Variants in RALGAPA2 observed in about 807,000 individuals in gnomAD.
RALGAPA2 encodes ral GTPase-activating protein subunit alpha-2.
In RALGAPA2, 139 loss-of-function variants were observed where a neutral mutation model predicts 230.4. The ratio of observed to expected loss-of-function variants is 0.60; its 90% CI spans 0.53 to 0.69. The LOEUF is 0.69. Ranked by LOEUF, RALGAPA2 falls within the 30% of genes least tolerant of loss-of-function variation. RALGAPA2 has a pLI of 0.00. For missense variants in RALGAPA2, 2,163 were observed against 2,276.0 expected (o/e 0.95, Z 1.01); for synonymous variants, 847 against 837.8 (o/e 1.01, Z -0.19).
In RALGAPA2 at chr20:20,409,276, T is replaced by C. The variant is rs148734385; in HGVS notation, c.5617+2751A>G. On this transcript the variant is annotated intron_variant, in intron 38 of 39. Transcript: ENST00000202677. ...AAGGCTGATTTTGGGGCTTTCCCTC[T>C]AGAAGTGGGGGCTGCATGCTGCTTT... Among the ~76,000 whole-genome samples the C allele has an allele frequency of 2.6e-5, 4 of 152,358 alleles. No individual in the cohort carries two copies. In the East Asian group the frequency reaches 7.7e-4, roughly 29 times the overall value.
chr20:20,444,021 C>T (rs763427104), intron 37 of RALGAPA2, among the ~76,000 whole-genome samples: 4 of 152,356 alleles, frequency 2.6e-5, no homozygotes, highest in East Asian at 1.9e-4. Flanking sequence ...TGATGCCTGG[C>T]CCCCATTCCA....
chr20:20,445,023 C>A (rs1277530391), intron 37 of RALGAPA2, among the ~76,000 whole-genome samples: 1 of 152,124 alleles, frequency 6.6e-6, no homozygotes, highest in Non-Finnish European at 1.5e-5. Context: ...CAATAATGTC[C>A]CCAAAGTGCA....
chr20:20,405,576 G>A (rs1462510525), intron 38 of RALGAPA2, among the ~76,000 whole-genome samples: 1 of 152,194 alleles, frequency 6.6e-6, no homozygotes, highest in Admixed American at 6.5e-5. Flanking sequence ...GAGTAAAAAA[G>A]TTTTAAAAGA....
chr20:20,457,652 A>G (rs1166296008), intron 37 of RALGAPA2, among the ~76,000 whole-genome samples: 1 of 152,178 alleles, frequency 6.6e-6, no homozygotes, highest in Non-Finnish European at 1.5e-5. Flanking sequence ...GTCCTTATGT[A>G]CCCACTGTTA....
At chr20:20,700,402 C>T (rs771902540) in intron 1 of RALGAPA2, among the ~76,000 whole-genome samples, 11 of 152,088 alleles carry the variant, frequency 7.2e-5, no homozygotes, top group Non-Finnish European at 1.3e-4. Context: ...CTCAGCATCA[C>T]ACAACATACC....
chr20:20,500,864 G>T (rs1172264742), intron 35 of RALGAPA2, among the ~76,000 whole-genome samples: 1 of 152,204 alleles, frequency 6.6e-6, no homozygotes, highest in Non-Finnish European at 1.5e-5. Context: ...GCAGAATATG[G>T]ATATTGTGTT....
intron 23 of RALGAPA2, among the ~76,000 whole-genome samples, chr20:20,554,599 A>G (rs973309782): frequency 3.3e-5 from 5 of 152,056 alleles, no homozygotes; most frequent in African/African-American, 1.2e-4. Context: ...TTGCTAAGTT[A>G]TAAGACTTCT....
At chr20:20,496,541 T>C (rs2062210587) in intron 35 of RALGAPA2, among the ~76,000 whole-genome samples, 3 of 152,218 alleles carry the variant, frequency 2.0e-5, no homozygotes. Context: ...TCTGGCACCA[T>C]GAACAATTAT....
chr20:20,411,955 T>C, intron 38 of RALGAPA2, 72 bp downstream of exon 38: 1 of 1,572,456 alleles, frequency 6.4e-7, no homozygotes. Context: ...CATTTATCTG[T>C]GAAAAACAGG....
intron 27 of RALGAPA2, among the ~76,000 whole-genome samples, chr20:20,528,180 A>G (rs1390810540): frequency 6.6e-6 from 1 of 152,172 alleles, no homozygotes; most frequent in Non-Finnish European, 1.5e-5. Context: ...TGTTACTGAC[A>G]TGTAATGAAG....
At position 20,629,320 on chromosome 20, in the gene RALGAPA2, A is replaced by AACACACAC. The variant is rs11467035; in HGVS notation, c.1233+35_1233+42dup. The AACACACAC allele has an allele frequency of 2.4e-3, 2,660 of 1,108,072 alleles. 5 individuals are homozygous for AACACACAC. The highest frequency in any genetic ancestry group is 0.014 in the East Asian group (537 of 37,420). 68.6% of individuals were successfully genotyped at this position (1,108,072 alleles called of 1,614,324 possible). On this transcript the variant is annotated intron_variant, in intron 10 of 39. Transcript: ENST00000202677. ...AATCATTTCCATTTCAAGAACTTGT[A>AACACACAC]ACACACACACACACACACACACACA...
At chr20:20,484,653 C>T (rs1179440130) in intron 36 of RALGAPA2, among the ~76,000 whole-genome samples, 1 of 152,014 alleles carries the variant, frequency 6.6e-6, no homozygotes, top group African/African-American at 2.4e-5. Flanking sequence ...CCTTTGGAGT[C>T]AATGATTCTT....
At chr20:20,518,118 C>T (rs992830434) in intron 31 of RALGAPA2, among the ~76,000 whole-genome samples, 5 of 151,856 alleles carry the variant, frequency 3.3e-5, no homozygotes, top group South Asian at 2.1e-4. Flanking sequence ...TGCAGTGGTG[C>T]GATCGTGGCT....
chr20:20,650,013 G>A (rs988614336), intron 4 of RALGAPA2, among the ~76,000 whole-genome samples: 1 of 152,126 alleles, frequency 6.6e-6, no homozygotes, highest in Non-Finnish European at 1.5e-5. Context: ...TTGACAAATA[G>A]TTGAGTTGTA....
intron 28 of RALGAPA2, among the ~76,000 whole-genome samples, chr20:20,525,624 C>G (rs1038062604): frequency 6.6e-6 from 1 of 152,148 alleles, no homozygotes; most frequent in Admixed American, 6.5e-5. Context: ...TAAAGTGCAG[C>G]TACAAAAATC....
chr20:20,616,511 C>G (rs1401780564), intron 12 of RALGAPA2, among the ~76,000 whole-genome samples: 3 of 151,758 alleles, frequency 2.0e-5, no homozygotes, highest in Non-Finnish European at 4.4e-5. Context: ...AACCCCTCAA[C>G]AAAAAAAGGA....
chr20:20,580,275 T>C (rs2064947189), intron 20 of RALGAPA2, among the ~76,000 whole-genome samples: 1 of 152,152 alleles, frequency 6.6e-6, no homozygotes, highest in South Asian at 2.1e-4. Context: ...GCCTCACTGA[T>C]CAGGGAAGGA....
intron 38 of RALGAPA2, among the ~76,000 whole-genome samples, chr20:20,407,871 C>T (rs779763163): frequency 1.3e-5 from 2 of 152,148 alleles, no homozygotes; most frequent in Non-Finnish European, 2.9e-5. Context: ...ATCCTAAGAC[C>T]GACTCAGACT....
At chr20:20,504,340 G>C (rs1199333180) in intron 34 of RALGAPA2, among the ~76,000 whole-genome samples, 1 of 152,172 alleles carries the variant, frequency 6.6e-6, no homozygotes, top group Non-Finnish European at 1.5e-5. Flanking sequence ...TGACTCTGAT[G>C]TACTCTTACC....
Sources: allele counts gnomAD v4.1 joint callset (sites outside exome capture counted in the v4.1 genomes callset), GRCh38; gene constraint gnomAD v4.1.1; transcripts MANE v1.5; gene names NCBI Gene and HGNC (gene_info 2026-07-23, HGNC 2026-07-21).